Variants in MRPL15 observed in about 807,000 individuals in gnomAD.
The protein encoded by MRPL15 is large ribosomal subunit protein uL15m.
Under a neutral mutation model 28.0 loss-of-function variants are expected in MRPL15, and 24 were observed. The observed-to-expected ratio is 0.86, with a 90% CI of 0.62 to 1.21. The LOEUF (loss-of-function observed/expected upper bound fraction) is 1.21, where lower values mean the gene tolerates loss of function less well. Ranked by LOEUF, MRPL15 falls within the 50% of genes most tolerant of loss-of-function variation. The probability of loss-of-function intolerance (pLI) is 0.00; values close to 1 mark genes in which losing one functional copy is unlikely to be tolerated. For missense variants in MRPL15, 343 were observed against 372.4 expected (o/e 0.92, Z 0.65); for synonymous variants, 124 against 137.0 (o/e 0.90, Z 0.66).
At chr8:54,142,062 T>G (rs1383676453) in intron 3 of MRPL15, among the ~76,000 whole-genome samples, 1 of 152,202 alleles carries the variant, frequency 6.6e-6, no homozygotes, top group Non-Finnish European at 1.5e-5. Context: ...TTGGCCAGGC[T>G]GGTCTCAAAC....
chr8:54,145,109 G>A (rs1022739565), intron 4 of MRPL15, among the ~76,000 whole-genome samples: 4 of 152,176 alleles, frequency 2.6e-5, no homozygotes, highest in Non-Finnish European at 5.9e-5. Context: ...GGTTGTCCCA[G>A]GATCTTTTTG....
chr8:54,139,211 C>T (rs898621059), intron 3 of MRPL15, among the ~76,000 whole-genome samples: 50 of 152,148 alleles, frequency 3.3e-4, no homozygotes, highest in African/African-American at 1.1e-3. Flanking sequence ...GTTGGTTAGG[C>T]TGGTCTTGAA....
chr8:54,137,832 TA>T (rs1387657412), intron 3 of MRPL15, among the ~76,000 whole-genome samples: 1 of 152,170 alleles, frequency 6.6e-6, no homozygotes, highest in Non-Finnish European at 1.5e-5. Flanking sequence ...CATTTGTGTT[TA>T]TAACTGTTAT....
At chr8:54,140,883 A>G (rs1810913630) in intron 3 of MRPL15, among the ~76,000 whole-genome samples, 1 of 151,878 alleles carries the variant, frequency 6.6e-6, no homozygotes, top group African/African-American at 2.4e-5. Flanking sequence ...CGCCCGGCCT[A>G]GAACTACATT....
At chr8:54,142,822 C>T (rs1563719286) in intron 4 of MRPL15, 36 bp downstream of exon 4, 4 of 1,609,974 alleles carry the variant, frequency 2.5e-6, no homozygotes, top group Non-Finnish European at 3.4e-6. Context: ...TTCTTTCTCT[C>T]TTTGTCTCAT....
chr8:54,141,271 G>A (rs1236819079), intron 3 of MRPL15, among the ~76,000 whole-genome samples: 1 of 152,088 alleles, frequency 6.6e-6, no homozygotes, highest in African/African-American at 2.4e-5. Context: ...CTATGAAGTC[G>A]GTATTTCCGT....
intron 4 of MRPL15, among the ~76,000 whole-genome samples, chr8:54,147,122 C>T (rs1268205429): frequency 1.3e-5 from 2 of 152,068 alleles, no homozygotes; most frequent in Non-Finnish European, 2.9e-5. Flanking sequence ...ATCCCAGCTA[C>T]TTGGGAGGCT....
At chr8:54,145,571 T>A (rs371069384) in intron 4 of MRPL15, among the ~76,000 whole-genome samples, 13 of 151,976 alleles carry the variant, frequency 8.6e-5, no homozygotes, top group African/African-American at 3.1e-4. Flanking sequence ...ACTCCTGAGC[T>A]CAAGAAATCC....
At chr8:54,141,181 T>TA (rs1810918967) in intron 3 of MRPL15, among the ~76,000 whole-genome samples, 1 of 152,334 alleles carries the variant, frequency 6.6e-6, no homozygotes, top group East Asian at 1.9e-4. Context: ...AGAATACAGA[T>TA]ACTGTGACTA....
In MRPL15 at chr8:54,142,315, C is replaced by T. The variant is rs1042323646; in HGVS notation, c.430-348C>T. Among the ~76,000 whole-genome samples, 4 of 151,062 alleles carry T rather than the reference C, an allele frequency of 2.6e-5. No individual in the cohort carries two copies. In the East Asian group the frequency reaches 5.9e-4, roughly 22 times the overall value. On this transcript the variant is annotated intron_variant, in intron 3 of 4. Coordinates refer to ENST00000260102, the MANE Select transcript of MRPL15 (RefSeq NM_014175.4). ...GACTACAGGCACGCGGCACCACACC[C>T]AGCTAATTTTTTGTATTTTTAGTAG... is the stretch of plus-strand genomic sequence containing the variant.
chr8:54,142,912 A>G, intron 4 of MRPL15, 126 bp downstream of exon 4: 2 of 1,295,440 alleles, frequency 1.5e-6, no homozygotes, highest in Non-Finnish European at 2.1e-6. Flanking sequence ...TACATCTACC[A>G]TATGGATTAT....
rs1811079081 is a variant in MRPL15, at chr8:54,148,184, CG to C, written c.*466del. On this transcript the variant is annotated 3_prime_UTR_variant, in exon 5 of 5. Coordinates refer to ENST00000260102, the MANE Select transcript of MRPL15 (RefSeq NM_014175.4). ...ATGCCAAGATGGTAAACCCTCAACTCGAAGAGTAAGATCAGGACGTATGCTT... is the reference window on the plus strand; with the variant it reads ...ATGCCAAGATGGTAAACCCTCAACTCAAGAGTAAGATCAGGACGTATGCTT... Among the ~76,000 whole-genome samples the C allele has an allele frequency of 6.6e-6, 1 of 152,060 alleles. No homozygotes were observed. The highest frequency in any genetic ancestry group is 1.5e-5 in the Non-Finnish European group (1 of 68,046).
rs115113743 is a variant in MRPL15 at position 54,135,261 on chromosome 8, G to T, written c.-23G>T. Reference sequence around the variant, plus strand: ...CCTCCGAGCAGCTCAGGGCGCCCTTGAAAGTTCTTGGATCTGCGGGTTATG... The same window carrying T: ...CCTCCGAGCAGCTCAGGGCGCCCTTTAAAGTTCTTGGATCTGCGGGTTATG... On this transcript the variant is annotated 5_prime_UTR_variant, in exon 1 of 5. Coordinates refer to ENST00000260102, the MANE Select transcript of MRPL15 (RefSeq NM_014175.4). 3,746 of 1,308,636 alleles carry T rather than the reference G, an allele frequency of 2.9e-3. 94 individuals are homozygous for T. The African/African-American group carries it at 0.052, about 18-fold the overall frequency. 81.1% of individuals were successfully genotyped at this position (1,308,636 alleles called of 1,614,324 possible).
At chr8:54,142,012 C>T (rs28670350) in intron 3 of MRPL15, among the ~76,000 whole-genome samples, 6,345 of 151,878 alleles carry the variant, frequency 0.042, 462 homozygotes, top group African/African-American at 0.15. Flanking sequence ...CCATCATGCC[C>T]GGCTAATTTT....
chr8:54,144,009 C>T (rs1042031313), intron 4 of MRPL15, among the ~76,000 whole-genome samples: 8 of 152,238 alleles, frequency 5.3e-5, no homozygotes, highest in South Asian at 2.1e-4. Context: ...CACGCACACA[C>T]GCACAGTCAC....
rs71551976 is a variant in MRPL15 at position 54,140,574 on chromosome 8, C to CT, written c.430-2072dup. ...CCGGCCTAGAACTACATTTTCTTTT[C>CT]TTTTTTTTTTTTTTTTTGAGATGGA... On this transcript the variant is annotated intron_variant, in intron 3 of 4. Transcript: ENST00000260102. 2.9e-3 allele frequency among the ~76,000 whole-genome samples: 287 copies of CT among 99,602 alleles called. 13 individuals are homozygous for CT. Among genetic ancestry groups the CT allele is most frequent in the Non-Finnish European group, 4.4e-3 (224 of 50,586 alleles). 65.3% of individuals were successfully genotyped at this position (99,602 alleles called of 152,430 possible). A position where few individuals can be genotyped will look rare whatever the true frequency, so the allele number is the denominator to read the frequency against.
chr8:54,142,520 G>A, intron 3 of MRPL15, 143 bp from the exon 4 acceptor site: 2 of 915,986 alleles, frequency 2.2e-6, no homozygotes, highest in African/African-American at 3.4e-5. Context: ...CACAGATGTG[G>A]AACCCACAGA....
At position 54,141,750 on chromosome 8, in the gene MRPL15, G is replaced by A. The variant is rs116569777; in HGVS notation, c.430-913G>A. 3.1e-3 allele frequency among the ~76,000 whole-genome samples: 468 copies of A among 152,146 alleles called. 1 individual carries two copies. The highest frequency in any genetic ancestry group is 9.5e-3 in the African/African-American group (394 of 41,494). Reference sequence around the variant, plus strand: ...ACTTATAACATGTAATATTAGGTTGGTGCACAAGTAATTGTGGCTTTTGCC... The same window carrying A: ...ACTTATAACATGTAATATTAGGTTGATGCACAAGTAATTGTGGCTTTTGCC... On this transcript the variant is annotated intron_variant, in intron 3 of 4. Coordinates refer to ENST00000260102, the MANE Select transcript of MRPL15 (RefSeq NM_014175.4).
intron 2 of MRPL15, 149 bp downstream of exon 2, chr8:54,136,814 A>G: frequency 1.0e-6 from 1 of 1,001,704 alleles, no homozygotes; most frequent in Non-Finnish European, 1.4e-6. Flanking sequence ...TTTGGTAATG[A>G]AATCTTGCCT....
Sources: gnomAD v4.1 joint callset for allele counts (sites outside exome capture counted in the v4.1 genomes callset) on GRCh38, gnomAD v4.1.1 for gene constraint, MANE v1.5 for transcripts, NCBI Gene and HGNC (gene_info 2026-07-23, HGNC 2026-07-21) for gene names.